The following PCDHGA2 variants were observed in gnomAD, a reference collection of about 807,000 sequenced individuals.
PCDHGA2 encodes protocadherin gamma subfamily A, 2.
A neutral mutation model predicts 59.2 loss-of-function variants in PCDHGA2; 40 were observed. The ratio of observed to expected loss-of-function variants is 0.68; its 90% confidence interval spans 0.52 to 0.88. PCDHGA2 has a LOEUF of 0.88. Among genes scored for constraint, PCDHGA2 ranks in the 40% least tolerant of loss-of-function variants. The pLI is 0.00. For synonymous variants in PCDHGA2, 560 were observed against 526.0 expected (o/e 1.06, Z -0.89); for missense variants, 1,226 against 1,204.0 (o/e 1.02, Z -0.27).
intron 1 of PCDHGA2, chr5:141,376,220 G>A: frequency 6.2e-7 from 1 of 1,614,202 alleles, no homozygotes; most frequent in Non-Finnish European, 8.5e-7. Context: ...CGTGCTGCTG[G>A]CGCTCAGACT....
At chr5:141,509,106 A>T (rs1159119530) in intron 3 of PCDHGA2, among the ~76,000 whole-genome samples, 1 of 152,102 alleles carries the variant, frequency 6.6e-6, no homozygotes, top group Non-Finnish European at 1.5e-5. Flanking sequence ...TAGAAACCTG[A>T]GCGCTGGTGC....
intron 2 of PCDHGA2, among the ~76,000 whole-genome samples, chr5:141,499,780 G>A (rs776654854): frequency 1.4e-5 from 2 of 145,766 alleles, no homozygotes; most frequent in Non-Finnish European, 3.0e-5. Flanking sequence ...TTCGCCTCCC[G>A]GGTTCAAGCA....
At chr5:141,420,230 A>G (rs758649822) in intron 1 of PCDHGA2, 3 of 1,601,528 alleles carry the variant, frequency 1.9e-6, no homozygotes, top group Admixed American at 1.7e-5. Flanking sequence ...ACTGGCTAGC[A>G]TTTTAACTCC....
intron 1 of PCDHGA2, chr5:141,387,659 G>A: frequency 1.5e-6 from 1 of 650,434 alleles, no homozygotes; most frequent in Non-Finnish European, 2.6e-6. Context: ...GGAGAGCTTG[G>A]CGCTCCAGAT....
In PCDHGA2 at chr5:141,351,577, C is replaced by T. The variant is rs529917134; in HGVS notation, c.2424+10182C>T. The T allele has an allele frequency of 8.1e-6, 13 of 1,614,028 alleles. No homozygotes were observed. The African/African-American group carries it at 1.7e-4, about 22-fold the overall frequency. ...GGACAAGCATCACCCTGCACATCTC[C>T]GACATCAACGACAATGCACCTGTTT... is the stretch of plus-strand genomic sequence containing the variant. On this transcript the variant is annotated intron_variant, in intron 1 of 3. Transcript: ENST00000394576.
At chr5:141,407,407 G>A (rs558103918) in intron 1 of PCDHGA2, among the ~76,000 whole-genome samples, 17 of 152,216 alleles carry the variant, frequency 1.1e-4, no homozygotes, top group African/African-American at 3.6e-4. Context: ...GTTACTATTC[G>A]ATACCACAAA....
At chr5:141,448,223 T>C (rs1377619033) in intron 1 of PCDHGA2, among the ~76,000 whole-genome samples, 1 of 152,204 alleles carries the variant, frequency 6.6e-6, no homozygotes, top group Non-Finnish European at 1.5e-5. Context: ...TGCGAATGTA[T>C]GTGTGGGGTT....
Position 141,491,987 on chromosome 5 carries a change from T to A in PCDHGA2, c.2425-2820T>A. The A allele has an allele frequency of 1.4e-6, 1 of 736,922 alleles. No individual in the cohort carries two copies. The highest frequency in any genetic ancestry group is 2.0e-6 in the Non-Finnish European group (1 of 490,378). The allele number at this position is 736,922 out of a possible 1,614,324, so 45.6% of individuals were successfully genotyped here. On this transcript the variant is annotated intron_variant, in intron 1 of 3. Coordinates refer to ENST00000394576, the MANE Select transcript of PCDHGA2 (RefSeq NM_018915.4). The surrounding 1 kb of genome is among the most constrained non-coding windows in gnomAD (Gnocchi z 6.9). ...GCCGGGGCCTCCTTCGAGCTTCCGG[T>A]GAATTTCGGGCGATTTCCGCGGGTG...
At chr5:141,359,955 C>A in intron 1 of PCDHGA2, 1 of 566,746 alleles carries the variant, frequency 1.8e-6, no homozygotes, top group Non-Finnish European at 2.8e-6. Flanking sequence ...GTCAAAAGAA[C>A]GAAGAGAAGC....
In PCDHGA2 at chr5:141,364,445, C is replaced by A. The variant is rs1369788855; in HGVS notation, c.2424+23050C>A. The A allele has an allele frequency of 4.3e-6, 7 of 1,613,802 alleles. No individual in the cohort carries two copies. Among genetic ancestry groups the A allele is most frequent in the Non-Finnish European group, 5.9e-6 (7 of 1,179,850 alleles). The stretch of plus-strand genomic sequence containing the variant: ...GATCCGCTACTCGATGCCGGAGGAG[C>A]TGGACAAAGGCTCCTTCGTCGGCAA... On this transcript the variant is annotated intron_variant, in intron 1 of 3. Transcript: ENST00000394576.
intron 1 of PCDHGA2, chr5:141,400,421 G>A (rs1158396440): frequency 1.2e-6 from 2 of 1,613,948 alleles, no homozygotes. Flanking sequence ...TTCCTAAAAT[G>A]TAGTGAGCAA....
rs2099668037 is a variant in PCDHGA2 at position 141,487,853 on chromosome 5, T to C, written c.2425-6954T>C. The C allele has an allele frequency of 1.0e-6, 1 of 984,708 alleles. No individual in the cohort carries two copies. The allele number at this position is 984,708 out of a possible 1,614,324, so 61.0% of individuals were successfully genotyped here. The stretch of plus-strand genomic sequence containing the variant: ...CCTATATCTGAGTAAGAAATGAAAG[T>C]AATTGGTGATCAAGAGCCAGGCTGT... On this transcript the variant is annotated intron_variant, in intron 1 of 3. Transcript: ENST00000394576. The surrounding 1 kb of genome is among the most constrained non-coding windows in gnomAD (Gnocchi z 5.0).
intron 1 of PCDHGA2, chr5:141,345,795 G>C: frequency 6.2e-7 from 1 of 1,614,032 alleles, no homozygotes; most frequent in African/African-American, 1.3e-5. Context: ...CGGCTACCTG[G>C]TGACCAAGGT....
intron 1 of PCDHGA2, chr5:141,413,663 AT>A (rs1344545568): frequency 6.2e-7 from 1 of 1,613,844 alleles, no homozygotes; most frequent in African/African-American, 1.3e-5. Flanking sequence ...GAAGCTATTG[AT>A]CCGGATGTGG....
intron 1 of PCDHGA2, among the ~76,000 whole-genome samples, chr5:141,462,903 T>A (rs1455334521): frequency 6.6e-6 from 1 of 152,208 alleles, no homozygotes; most frequent in Non-Finnish European, 1.5e-5. Context: ...GGAAGGCTAT[T>A]ATGTTTTTTG....
chr5:141,421,751 C>T (rs751678934), intron 1 of PCDHGA2: 1 of 1,613,932 alleles, frequency 6.2e-7, no homozygotes, highest in South Asian at 1.1e-5. Context: ...CAGCTCAGCC[C>T]TAATAATTAC....
rs2154584583 is a variant in PCDHGA2, at chr5:141,490,717, A to G, written c.2425-4090A>G. The G allele has an allele frequency of 6.2e-7, 1 of 1,613,972 alleles. No individual in the cohort carries two copies. Among genetic ancestry groups the G allele is most frequent in the Non-Finnish European group, 8.5e-7 (1 of 1,179,936 alleles). On this transcript the variant is annotated intron_variant, in intron 1 of 3. Coordinates refer to ENST00000394576, the MANE Select transcript of PCDHGA2 (RefSeq NM_018915.4). The surrounding 1 kb of genome is among the most constrained non-coding windows in gnomAD (Gnocchi z 5.4). ...GGATAATGCCCGCCTCACCTACTCC[A>G]TTGTAGGAAATCAGGTTCAGGGAGC...
Position 141,365,841 on chromosome 5 carries a change from A to G in PCDHGA2, c.2424+24446A>G, listed in dbSNP as rs765506735. 13 of 1,613,714 alleles carry G rather than the reference A, an allele frequency of 8.1e-6. No individual in the cohort carries two copies. The Admixed American group carries it at 8.3e-5, about 10-fold the overall frequency. On this transcript the variant is annotated intron_variant, in intron 1 of 3. Coordinates refer to ENST00000394576, the MANE Select transcript of PCDHGA2 (RefSeq NM_018915.4). ...TTTCAGGGGGCGCCCTTGTCCTCCT[A>G]TGTATCCATTAACTCTGACACCGGT... is the stretch of plus-strand genomic sequence containing the variant.
chr5:141,436,240 G>A (rs192988618), intron 1 of PCDHGA2, among the ~76,000 whole-genome samples: 2 of 152,200 alleles, frequency 1.3e-5, no homozygotes, highest in East Asian at 3.9e-4. Flanking sequence ...AGCTAACATG[G>A]TCTAATTATT....
Sources: allele counts gnomAD v4.1 joint callset (sites outside exome capture counted in the v4.1 genomes callset), GRCh38; gene constraint gnomAD v4.1.1; non-coding constraint Gnocchi (gnomAD v3.1); transcripts MANE v1.5; gene names NCBI Gene and HGNC (gene_info 2026-07-23, HGNC 2026-07-21).